PRKN: variants seen among roughly 807,000 people sequenced by gnomAD.
PRKN encodes the protein E3 ubiquitin-protein ligase parkin.
Under a neutral mutation model 59.5 loss-of-function variants are expected in PRKN, and 56 were observed. The observed-to-expected ratio is 0.94, with a 90% confidence interval of 0.76 to 1.18. PRKN has a LOEUF of 1.18. Ranked by LOEUF, PRKN falls within the 50% of genes most tolerant of loss-of-function variation. PRKN has a pLI of 0.00. For missense variants in PRKN, 657 were observed against 596.4 expected (o/e 1.10, Z -1.06); for synonymous variants, 250 against 222.1 (o/e 1.13, Z -1.12).
intron 4 of PRKN, among the ~76,000 whole-genome samples, chr6:162,181,775 T>C (rs1783814391): frequency 6.6e-6 from 1 of 152,152 alleles, no homozygotes; most frequent in Admixed American, 6.5e-5. Context: ...GCTTGTCAGC[T>C]TCCAACTATC....
At chr6:161,658,615 A>C (rs1784441010) in intron 7 of PRKN, among the ~76,000 whole-genome samples, 2 of 152,178 alleles carry the variant, frequency 1.3e-5, no homozygotes, top group East Asian at 3.9e-4. Flanking sequence ...CGGTACAAAA[A>C]ATTTATCAGA....
In PRKN at chr6:162,553,417, G is replaced by GGT. The variant is rs200663130; in HGVS notation, c.8-109945_8-109944insAC. Among the ~76,000 whole-genome samples, 12 of 135,172 alleles carry GGT rather than the reference G, an allele frequency of 8.9e-5. No homozygotes were observed. The East Asian group carries it at 2.7e-3, about 30-fold the overall frequency. The allele number at this position is 135,172 out of a possible 152,430, so 88.7% of individuals were successfully genotyped here. ...GAGGTCTTATTAGAAGCAAGGGATAGATATAGGGGGGGTGCTGTAGAGAGT... is the reference window on the plus strand; with the variant it reads ...GAGGTCTTATTAGAAGCAAGGGATAGGTATATAGGGGGGGTGCTGTAGAGAGT... On this transcript the variant is annotated intron_variant, in intron 1 of 11. Transcript: ENST00000366898.
At chr6:162,514,894 T>G (rs1397603600) in intron 1 of PRKN, among the ~76,000 whole-genome samples, 2 of 152,186 alleles carry the variant, frequency 1.3e-5, no homozygotes, top group Non-Finnish European at 2.9e-5. Flanking sequence ...GTATAAGTGG[T>G]TAATAGAAAG....
At position 161,562,429 on chromosome 6, in the gene PRKN, G is replaced by A. The variant is rs1264512014; in HGVS notation, c.933+6926C>T. ...CTCTTTACCCAATTTCCAAACACTG[G>A]TGTTCCTTACGGTTCATCCAATCAC... On this transcript the variant is annotated intron_variant, in intron 8 of 11. Transcript: ENST00000366898. The surrounding 1 kb of genome is among the most constrained non-coding windows in gnomAD (Gnocchi z 4.3). 6.6e-6 allele frequency among the ~76,000 whole-genome samples: 1 copy of A among 152,132 alleles called. No homozygotes were observed. Among genetic ancestry groups the A allele is most frequent in the African/African-American group, 2.4e-5 (1 of 41,408 alleles).
intron 4 of PRKN, among the ~76,000 whole-genome samples, chr6:162,112,850 G>C (rs1780500757): frequency 6.6e-6 from 1 of 152,030 alleles, no homozygotes; most frequent in African/African-American, 2.4e-5. Context: ...CTGAGGTAGG[G>C]AGGTCAAGGC....
chr6:161,771,355 C>CAAA (rs1208813487), intron 7 of PRKN, among the ~76,000 whole-genome samples: 6 of 20,704 alleles, frequency 2.9e-4, no homozygotes, highest in Non-Finnish European at 8.8e-4. Context: ...GACTCCACCT[C>CAAA]AAAAAAAAAA....
At chr6:161,830,099 C>G (rs1035922136) in intron 6 of PRKN, among the ~76,000 whole-genome samples, 1 of 152,086 alleles carries the variant, frequency 6.6e-6, no homozygotes, top group Non-Finnish European at 1.5e-5. Context: ...ACTTGTAGGG[C>G]GAGGTCAGTA....
At chr6:162,582,613 C>T (rs1466213070) in intron 1 of PRKN, among the ~76,000 whole-genome samples, 4 of 152,114 alleles carry the variant, frequency 2.6e-5, no homozygotes, top group Non-Finnish European at 5.9e-5. Flanking sequence ...CCCAAGTTAC[C>T]AAGCTCTTAA....
chr6:162,051,352 G>A (rs1286494709), intron 5 of PRKN, among the ~76,000 whole-genome samples: 1 of 152,162 alleles, frequency 6.6e-6, no homozygotes, highest in African/African-American at 2.4e-5. Flanking sequence ...TGAGTGTAAT[G>A]TGTGAAGAAG....
At chr6:162,514,935 C>CATTT (rs10683136) in intron 1 of PRKN, among the ~76,000 whole-genome samples, 13,695 of 151,926 alleles carry the variant, frequency 0.09, 652 homozygotes, top group South Asian at 0.17. Context: ...ATATTGCAGA[C>CATTT]ATTAGATTGA....
rs536229622 is a variant in PRKN at position 161,470,283 on chromosome 6, G to A, written c.1083+78571C>T. On this transcript the variant is annotated intron_variant, in intron 9 of 11. Coordinates refer to ENST00000366898, the MANE Select transcript of PRKN (RefSeq NM_004562.3). The surrounding 1 kb of genome is among the most constrained non-coding windows in gnomAD (Gnocchi z 5.1). ...TACCTTTGCTGTCATAGGCCCATTA[G>A]GGTATTATTTAATGTAGTCACTCAT... Among the ~76,000 whole-genome samples, 1 of 152,290 alleles carries A rather than the reference G, an allele frequency of 6.6e-6. No homozygotes were observed. The highest frequency in any genetic ancestry group is 2.4e-5 in the African/African-American group (1 of 41,576).
At chr6:161,621,969 C>T (rs1483625867) in intron 7 of PRKN, among the ~76,000 whole-genome samples, 1 of 152,158 alleles carries the variant, frequency 6.6e-6, no homozygotes, top group Non-Finnish European at 1.5e-5. Context: ...TTAAGCCACC[C>T]TCTGTTTTTC....
At chr6:162,073,025 C>T (rs765739564) in intron 4 of PRKN, among the ~76,000 whole-genome samples, 129 of 152,272 alleles carry the variant, frequency 8.5e-4, no homozygotes, top group Admixed American at 1.8e-3. Flanking sequence ...CATCCTCATG[C>T]TTCACTATCT....
intron 4 of PRKN, among the ~76,000 whole-genome samples, chr6:162,083,597 T>C (rs1027799000): frequency 2.0e-5 from 3 of 152,012 alleles, no homozygotes; most frequent in Non-Finnish European, 1.5e-5. Context: ...GAGAAATAAT[T>C]TTTTTTTCTG....
chr6:162,529,506 A>G (rs572034799), intron 1 of PRKN, among the ~76,000 whole-genome samples: 1 of 152,152 alleles, frequency 6.6e-6, no homozygotes, highest in South Asian at 2.1e-4. Flanking sequence ...TGGCCCAAAC[A>G]CCTCTGTGTT....
At position 162,405,387 on chromosome 6, in the gene PRKN, G is replaced by C. The variant is rs79281406; in HGVS notation, c.171+37923C>G. On this transcript the variant is annotated intron_variant, in intron 2 of 11. Coordinates refer to ENST00000366898, the MANE Select transcript of PRKN (RefSeq NM_004562.3). ...CTCACACATGCTTGGACATCTGTAT[G>C]AATTCAATGCACAGTAAATACTCCT... 2.2e-3 allele frequency among the ~76,000 whole-genome samples: 330 copies of C among 152,252 alleles called. 5 individuals are homozygous for C. Among genetic ancestry groups the C allele is most frequent in the East Asian group, 0.016 (81 of 5,168 alleles).
rs551389439 is a variant in PRKN at position 161,953,110 on chromosome 6, A to AATTT, written c.734+20188_734+20191dup. Among the ~76,000 whole-genome samples, 978 of 151,984 alleles carry AATTT rather than the reference A, an allele frequency of 6.4e-3. 11 individuals carry two copies. Among genetic ancestry groups the AATTT allele is most frequent in the African/African-American group, 0.022 (927 of 41,466 alleles). Reference sequence around the variant, plus strand: ...TCCTGACATCTGAAGAAATCTCCTGAATTTATTTATTTATTTATTTAGATG... The same window carrying AATTT: ...TCCTGACATCTGAAGAAATCTCCTGAATTTATTTATTTATTTATTTATTTAGATG... On this transcript the variant is annotated intron_variant, in intron 6 of 11. Transcript: ENST00000366898.
chr6:162,629,324 T>C (rs1783013866), intron 1 of PRKN, among the ~76,000 whole-genome samples: 1 of 152,178 alleles, frequency 6.6e-6, no homozygotes, highest in African/African-American at 2.4e-5. Flanking sequence ...TGCTTGACCA[T>C]ATGGTCTGTT....
intron 7 of PRKN, among the ~76,000 whole-genome samples, chr6:161,687,376 G>T (rs1785597234): frequency 1.4e-5 from 1 of 73,570 alleles, no homozygotes; most frequent in Non-Finnish European, 2.3e-5. Context: ...GAGACAGAGA[G>T]AGACTCCATC....
Sources: gnomAD v4.1 joint callset for allele counts (sites outside exome capture counted in the v4.1 genomes callset) on GRCh38, gnomAD v4.1.1 for gene constraint, Gnocchi (gnomAD v3.1) non-coding constraint, MANE v1.5 for transcripts, NCBI Gene and HGNC (gene_info 2026-07-23, HGNC 2026-07-21) for gene names.